ANKS1B: variants seen among roughly 807,000 people sequenced by gnomAD.
ANKS1B encodes the protein ankyrin repeat and sterile alpha motif domain containing 1B, also known as ankyrin repeat and sterile alpha motif domain-containing protein 1B.
Under a neutral mutation model 148.3 loss-of-function variants are expected in ANKS1B, and 36 were observed. That is an observed-to-expected ratio of 0.24 (90% CI 0.19 to 0.32). ANKS1B has a LOEUF of 0.32. ANKS1B is among the 10% of genes least tolerant of loss of function. The probability of loss-of-function intolerance (pLI) is 1.00; values close to 1 mark genes in which losing one functional copy is unlikely to be tolerated. For missense variants in ANKS1B, 1,157 were observed against 1,542.6 expected (o/e 0.75, Z 4.19); for synonymous variants, 542 against 560.8 (o/e 0.97, Z 0.47).
At chr12:98,995,796 A>C (rs2099929196) in intron 17 of ANKS1B, among the ~76,000 whole-genome samples, 1 of 152,198 alleles carries the variant, frequency 6.6e-6, no homozygotes, top group Non-Finnish European at 1.5e-5. Context: ...ATGCTCAGGA[A>C]GGTGATACCT....
intron 10 of ANKS1B, among the ~76,000 whole-genome samples, chr12:99,450,958 GATAAT>G (rs1214029081): frequency 6.6e-6 from 1 of 152,124 alleles, no homozygotes. Flanking sequence ...AAATATCCTT[GATAAT>G]ATAATTTACA....
chr12:98,884,692 G>A lies in ANKS1B; in HGVS notation c.2779-52556C>T, dbSNP rs548996901. Among the ~76,000 whole-genome samples, 21 of 151,684 alleles carry A rather than the reference G, an allele frequency of 1.4e-4. No individual in the cohort carries two copies. The South Asian group carries it at 3.3e-3, about 24-fold the overall frequency. ...CGGGCGCCTGTAGTCCCAGCTACTCGGGAGGCTGAGGCAGGAGAATGGCGT... is the reference window on the plus strand; with the variant it reads ...CGGGCGCCTGTAGTCCCAGCTACTCAGGAGGCTGAGGCAGGAGAATGGCGT... On this transcript the variant is annotated intron_variant, in intron 17 of 26. Transcript: ENST00000683438.
chr12:98,897,238 T>A (rs1453316704), intron 17 of ANKS1B, among the ~76,000 whole-genome samples: 1 of 152,142 alleles, frequency 6.6e-6, no homozygotes, highest in African/African-American at 2.4e-5. Context: ...GAATCCTGCT[T>A]AATTAAACTA....
intron 14 of ANKS1B, among the ~76,000 whole-genome samples, chr12:99,158,133 T>C (rs2076274845): frequency 6.6e-6 from 1 of 152,192 alleles, no homozygotes; most frequent in Admixed American, 6.5e-5. Flanking sequence ...TTTGTTGAAG[T>C]ATTTTCTCAT....
At chr12:99,279,843 A>G (rs2078166021) in intron 12 of ANKS1B, among the ~76,000 whole-genome samples, 3 of 151,980 alleles carry the variant, frequency 2.0e-5, no homozygotes, top group South Asian at 2.1e-4. Context: ...GTGAAACCCC[A>G]TCTCTAAAAA....
intron 14 of ANKS1B, among the ~76,000 whole-genome samples, chr12:99,207,047 C>G (rs982488310): frequency 6.6e-6 from 1 of 152,074 alleles, no homozygotes; most frequent in African/African-American, 2.4e-5. Context: ...TGTAGATTTC[C>G]TCTCCTGTGA....
At chr12:99,489,602 A>G (rs1204296377) in intron 10 of ANKS1B, among the ~76,000 whole-genome samples, 1 of 152,202 alleles carries the variant, frequency 6.6e-6, no homozygotes, top group African/African-American at 2.4e-5. Context: ...GTATCTCAAG[A>G]TTTACACAAA....
chr12:99,186,867 A>G (rs996551778), intron 14 of ANKS1B, among the ~76,000 whole-genome samples: 2 of 152,186 alleles, frequency 1.3e-5, no homozygotes, highest in African/African-American at 4.8e-5. Context: ...AACTGGATGG[A>G]GAATGAGTTT....
chr12:99,390,666 A>G (rs1026117367), intron 12 of ANKS1B, among the ~76,000 whole-genome samples: 1 of 152,214 alleles, frequency 6.6e-6, no homozygotes. Flanking sequence ...GCAGGGCCAC[A>G]TCCCATTAAA....
intron 3 of ANKS1B, 65 bp from the exon 4 acceptor site, chr12:99,806,765 C>T: frequency 1.4e-6 from 2 of 1,470,012 alleles, no homozygotes; most frequent in Non-Finnish European, 1.9e-6. Flanking sequence ...AATCTTAACA[C>T]AGTAATTTAA....
intron 17 of ANKS1B, among the ~76,000 whole-genome samples, chr12:99,019,107 TC>T (rs1370046151): frequency 2.6e-5 from 4 of 152,194 alleles, no homozygotes; most frequent in African/African-American, 4.8e-5. Flanking sequence ...CCACTTAGCA[TC>T]TTCACTTTGA....
chr12:98,772,731 G>C (rs1354076071), intron 25 of ANKS1B, among the ~76,000 whole-genome samples: 1 of 152,070 alleles, frequency 6.6e-6, no homozygotes, highest in East Asian at 1.9e-4. Context: ...ATTTGGGTAG[G>C]GACACAGCCA....
intron 16 of ANKS1B, chr12:99,083,933 A>G (rs1435456813): frequency 2.0e-5 from 3 of 152,092 alleles, no homozygotes; most frequent in Admixed American, 2.0e-4. Flanking sequence ...TTCCTTATCA[A>G]TTAAAATCCC....
chr12:99,669,242 C>T (rs1355391318), intron 8 of ANKS1B, among the ~76,000 whole-genome samples: 1 of 152,120 alleles, frequency 6.6e-6, no homozygotes, highest in African/African-American at 2.4e-5. Context: ...ACAATCATAG[C>T]TCACTGCAGC....
At chr12:99,636,596 T>G (rs527333424) in intron 9 of ANKS1B, among the ~76,000 whole-genome samples, 4 of 151,856 alleles carry the variant, frequency 2.6e-5, no homozygotes, top group Non-Finnish European at 5.9e-5. Flanking sequence ...AACCAGAAAA[T>G]TTTTTTTAAA....
intron 1 of ANKS1B, among the ~76,000 whole-genome samples, chr12:99,917,691 C>T: frequency 6.6e-6 from 1 of 152,316 alleles, no homozygotes; most frequent in Admixed American, 6.5e-5. Flanking sequence ...ACCAGTCTCA[C>T]CTTTTATGGC....
chr12:99,874,999 T>C (rs1052192294), intron 1 of ANKS1B, among the ~76,000 whole-genome samples: 1 of 152,164 alleles, frequency 6.6e-6, no homozygotes, highest in Admixed American at 6.5e-5. Flanking sequence ...GGATCAACTA[T>C]AACCTAAATA....
intron 17 of ANKS1B, among the ~76,000 whole-genome samples, chr12:99,005,230 C>T (rs776482720): frequency 8.5e-5 from 13 of 152,180 alleles, no homozygotes; most frequent in Non-Finnish European, 2.9e-5. Context: ...GTGATGGGCT[C>T]CATTCCACAG....
chr12:98,771,195 G>A (rs556404771), intron 25 of ANKS1B, among the ~76,000 whole-genome samples: 2 of 151,890 alleles, frequency 1.3e-5, no homozygotes, highest in Non-Finnish European at 2.9e-5. Context: ...TTTGAGTGAC[G>A]GTTTCACTCT....
Sources: gnomAD v4.1 joint callset for allele counts (sites outside exome capture counted in the v4.1 genomes callset) on GRCh38, gnomAD v4.1.1 for gene constraint, MANE v1.5 for transcripts, NCBI Gene and HGNC (gene_info 2026-07-23, HGNC 2026-07-21) for gene names.